The following INVS variants were observed in gnomAD, a reference collection of about 807,000 sequenced individuals.
The protein encoded by INVS is inversin, also known as inversion of embryo turning homolog.
A neutral mutation model predicts 108.8 loss-of-function variants in INVS; 86 were observed. The ratio of observed to expected loss-of-function variants is 0.79; its 90% CI spans 0.66 to 0.95. The LOEUF is 0.95. Ranked by LOEUF, INVS falls within the 40% of genes least tolerant of loss-of-function variation. INVS has a pLI of 0.00. For missense variants in INVS, 1,169 were observed against 1,297.4 expected (o/e 0.90, Z 1.52); for synonymous variants, 455 against 473.5 (o/e 0.96, Z 0.51).
At chr9:100,248,545 TTAAA>T (rs1832119779) in intron 8 of INVS, among the ~76,000 whole-genome samples, 2 of 152,142 alleles carry the variant, frequency 1.3e-5, no homozygotes, top group African/African-American at 2.4e-5. Context: ...AGATCCTGAC[TTAAA>T]TAAATAAACT....
At chr9:100,114,240 G>C (rs1273646738) in intron 2 of INVS, among the ~76,000 whole-genome samples, 1 of 152,022 alleles carries the variant, frequency 6.6e-6, no homozygotes, top group Admixed American at 6.6e-5. Context: ...TGTTAGAACT[G>C]TGTCCTTTTA....
intron 3 of INVS, among the ~76,000 whole-genome samples, chr9:100,182,952 G>T (rs1037144204): frequency 5.9e-5 from 9 of 152,124 alleles, no homozygotes; most frequent in Non-Finnish European, 2.9e-5. Flanking sequence ...GCCATAAAAA[G>T]GATGAGTTCA....
chr9:100,148,375 T>A (rs762955558), intron 3 of INVS, among the ~76,000 whole-genome samples: 53 of 152,134 alleles, frequency 3.5e-4, no homozygotes, highest in Non-Finnish European at 6.3e-4. Context: ...TATGCAAAAA[T>A]TTTAAGGTAA....
At chr9:100,291,409 C>T (rs562298938) in intron 13 of INVS, among the ~76,000 whole-genome samples, 58 of 152,284 alleles carry the variant, frequency 3.8e-4, no homozygotes, top group African/African-American at 1.3e-3. Context: ...ATCCTTTTCT[C>T]GTATTTTAAA....
intron 1 of INVS, among the ~76,000 whole-genome samples, chr9:100,103,186 G>A (rs572836707): frequency 6.6e-6 from 1 of 152,128 alleles, no homozygotes; most frequent in South Asian, 2.1e-4. Context: ...CTGAGTCAGG[G>A]TCTCAACCTG....
At chr9:100,247,236 C>G (rs1177903851) in intron 8 of INVS, among the ~76,000 whole-genome samples, 1 of 152,160 alleles carries the variant, frequency 6.6e-6, no homozygotes, top group Non-Finnish European at 1.5e-5. Flanking sequence ...TTTTGAATAG[C>G]ATTACCACAT....
intron 13 of INVS, 95 bp from the exon 14 acceptor site, chr9:100,292,231 G>T: frequency 9.0e-7 from 1 of 1,115,322 alleles, no homozygotes; most frequent in Non-Finnish European, 1.4e-6. Flanking sequence ...TTATGGTGAT[G>T]ATATAGGCTA....
chr9:100,175,762 A>T, intron 3 of INVS: 2 of 633,300 alleles, frequency 3.2e-6, no homozygotes, highest in Non-Finnish European at 6.0e-6. Flanking sequence ...GCCTGGGGCA[A>T]CCAGACCTGG....
At chr9:100,281,024 CTAAAAA>C (rs1048781555) in intron 12 of INVS, among the ~76,000 whole-genome samples, 1 of 152,066 alleles carries the variant, frequency 6.6e-6, no homozygotes, top group Non-Finnish European at 1.5e-5. Context: ...GACCCTGTTT[CTAAAAA>C]TAAAAATAAA....
Position 100,302,140 on chromosome 9 carries a change from A to T in INVS, c.*1466A>T, listed in dbSNP as rs1420454862. Reference sequence around the variant, plus strand: ...TCTATTACATCAGTCTTTTTCTTCAAATAAGATAGATGTGAATAAACAACT... The same window carrying T: ...TCTATTACATCAGTCTTTTTCTTCATATAAGATAGATGTGAATAAACAACT... On this transcript the variant is annotated 3_prime_UTR_variant, in exon 17 of 17. Transcript: ENST00000262457. The T allele has an allele frequency of 8.9e-7, 1 of 1,125,776 alleles. No homozygotes were observed. Among genetic ancestry groups the T allele is most frequent in the African/African-American group, 1.6e-5 (1 of 63,972 alleles). 69.7% of individuals were successfully genotyped at this position (1,125,776 alleles called of 1,614,324 possible). A position where few individuals can be genotyped will look rare whatever the true frequency, so the allele number is the denominator to read the frequency against.
intron 13 of INVS, among the ~76,000 whole-genome samples, chr9:100,289,200 A>G (rs770346395): frequency 6.6e-6 from 1 of 152,184 alleles, no homozygotes; most frequent in Non-Finnish European, 1.5e-5. Flanking sequence ...TATATTTTCT[A>G]TCTTCTATGT....
chr9:100,115,820 A>G (rs1362085312), intron 2 of INVS, among the ~76,000 whole-genome samples: 1 of 152,182 alleles, frequency 6.6e-6, no homozygotes, highest in East Asian at 1.9e-4. Flanking sequence ...CAGTAATGGG[A>G]TGGCTGGGTC....
chr9:100,173,181 G>A (rs35509358), intron 3 of INVS, among the ~76,000 whole-genome samples: 1 of 152,140 alleles, frequency 6.6e-6, no homozygotes, highest in Non-Finnish European at 1.5e-5. Context: ...CCCTCCAGTA[G>A]ATAACATTTA....
intron 10 of INVS, among the ~76,000 whole-genome samples, chr9:100,264,250 T>C (rs1832716430): frequency 1.3e-5 from 2 of 152,230 alleles, no homozygotes; most frequent in South Asian, 4.1e-4. Flanking sequence ...TTCACATTTT[T>C]GGTTGGAATA....
At chr9:100,181,784 C>G (rs1183889160) in intron 3 of INVS, among the ~76,000 whole-genome samples, 3 of 152,052 alleles carry the variant, frequency 2.0e-5, no homozygotes, top group African/African-American at 7.2e-5. Context: ...TCGTATGGAA[C>G]CAAAAAAGAG....
chr9:100,113,283 A>T (rs562784073), intron 2 of INVS, among the ~76,000 whole-genome samples: 1 of 152,290 alleles, frequency 6.6e-6, no homozygotes, highest in African/African-American at 2.4e-5. Context: ...GTTGAATCCA[A>T]TGCAAAATTT....
intron 12 of INVS, among the ~76,000 whole-genome samples, chr9:100,280,884 T>G (rs1167954663): frequency 6.6e-6 from 1 of 152,168 alleles, no homozygotes; most frequent in Non-Finnish European, 1.5e-5. Flanking sequence ...GGCCAGGAGT[T>G]GAAGACAAGC....
intron 11 of INVS, among the ~76,000 whole-genome samples, chr9:100,266,383 C>T (rs558850563): frequency 1.1e-3 from 168 of 152,212 alleles, no homozygotes; most frequent in Non-Finnish European, 1.9e-3. Context: ...GCTGGTTACC[C>T]GTTTTCTTAT....
rs564371525 is a variant in INVS, at chr9:100,193,296, T to G, written c.274-32766T>G. The stretch of plus-strand genomic sequence containing the variant: ...CGCCCAGTCAGCAATATATTTTGAT[T>G]GATTTTTTAAATCTCTTTTGCACAG... On this transcript the variant is annotated intron_variant, in intron 3 of 16. Transcript: ENST00000262457. Among the ~76,000 whole-genome samples the G allele has an allele frequency of 8.3e-4, 126 of 152,290 alleles. 1 individual carries two copies. In the South Asian group the frequency reaches 0.013, roughly 16 times the overall value.
Sources: allele counts gnomAD v4.1 joint callset (sites outside exome capture counted in the v4.1 genomes callset), GRCh38; gene constraint gnomAD v4.1.1; transcripts MANE v1.5; gene names NCBI Gene and HGNC (gene_info 2026-07-23, HGNC 2026-07-21).